The following EPHB1 variants were observed in gnomAD, a reference collection of about 807,000 sequenced individuals.
EPHB1 encodes the protein ephrin type-B receptor 1.
Under a neutral mutation model 94.4 loss-of-function variants are expected in EPHB1, and 30 were observed. The observed-to-expected ratio is 0.32, with a 90% CI of 0.24 to 0.43. The LOEUF is 0.43. Among genes scored for constraint, EPHB1 ranks in the 20% least tolerant of loss-of-function variants. The probability of loss-of-function intolerance (pLI) is 1.00; values close to 1 mark genes in which losing one functional copy is unlikely to be tolerated. For synonymous variants in EPHB1, 522 were observed against 489.1 expected, an observed-to-expected ratio of 1.07 and a Z score of -0.89; for missense variants, 1,055 against 1,308.3, an observed-to-expected ratio of 0.81 and a Z score of 2.99.
Position 135,133,046 on chromosome 3 carries a change from G to A in EPHB1, c.1294G>A (p.Ala432Thr). 1.3e-6 allele frequency: 2 copies of A among 1,583,604 alleles called. No homozygotes were observed. The highest frequency in any genetic ancestry group is 1.7e-6 in the Non-Finnish European group (2 of 1,159,076). The change falls in exon 5 of 16, where the codon GCC becomes ACC. Residue 432 changes from alanine to threonine, a missense_variant. Coordinates refer to ENST00000398015, the MANE Select transcript of EPHB1 (RefSeq NM_004441.5). ...HVSVNITTNQ[A>T]APSTVPIMHQ... The stretch of plus-strand genomic sequence containing the variant: ...CTCTGTCAACATCACCACAAACCAA[G>A]CCGGTAAGTCTGGAGGCTTCTGTGC...
chr3:135,011,055 C>T (rs1386019592), intron 3 of EPHB1, among the ~76,000 whole-genome samples: 1 of 152,166 alleles, frequency 6.6e-6, no homozygotes, highest in Non-Finnish European at 1.5e-5. Flanking sequence ...TGCTCTGTTC[C>T]CTGAAGTTTT....
intron 12 of EPHB1, among the ~76,000 whole-genome samples, chr3:135,217,614 A>G (rs1010639501): frequency 6.6e-6 from 1 of 152,204 alleles, no homozygotes. Flanking sequence ...CCAGAAACAT[A>G]CAAGTACAGG....
chr3:134,911,068 G>C (rs574258503), intron 1 of EPHB1, among the ~76,000 whole-genome samples: 1 of 152,328 alleles, frequency 6.6e-6, no homozygotes, highest in Non-Finnish European at 1.5e-5. Context: ...TAAGTTATCG[G>C]GGAGGCCACC....
At chr3:134,854,023 C>A (rs1381232368) in intron 1 of EPHB1, among the ~76,000 whole-genome samples, 3 of 152,162 alleles carry the variant, frequency 2.0e-5, no homozygotes, top group Non-Finnish European at 2.9e-5. Flanking sequence ...CACACATGTT[C>A]TTCTCCTGCC....
intron 3 of EPHB1, among the ~76,000 whole-genome samples, chr3:135,085,993 A>C (rs1938347207): frequency 1.3e-5 from 2 of 152,178 alleles, no homozygotes; most frequent in South Asian, 4.1e-4. Flanking sequence ...CCTCCCCAGG[A>C]GAAAGGCGTC....
chr3:134,983,191 CCTT>C (rs1934472804), intron 3 of EPHB1, among the ~76,000 whole-genome samples: 1 of 152,212 alleles, frequency 6.6e-6, no homozygotes, highest in Non-Finnish European at 1.5e-5. Flanking sequence ...TGTGTTCACT[CCTT>C]CATTGGCGAG....
chr3:135,008,823 G>C (rs1481156231), intron 3 of EPHB1, among the ~76,000 whole-genome samples: 1 of 152,156 alleles, frequency 6.6e-6, no homozygotes, highest in Non-Finnish European at 1.5e-5. Context: ...CTCCATCTTT[G>C]GAAAGATGAG....
intron 1 of EPHB1, among the ~76,000 whole-genome samples, chr3:134,834,849 A>C (rs1053010365): frequency 2.0e-5 from 3 of 152,186 alleles, no homozygotes; most frequent in African/African-American, 7.2e-5. Context: ...AAGCCTGCTG[A>C]ATTATTTCAG....
chr3:134,804,069 C>CTTTTTT (rs1560240142), intron 1 of EPHB1, among the ~76,000 whole-genome samples: 1 of 51,810 alleles, frequency 1.9e-5, no homozygotes. Context: ...TCATTATTGG[C>CTTTTTT]TATTTTTTTT....
chr3:135,117,309 CTG>C (rs1939758215), intron 4 of EPHB1, among the ~76,000 whole-genome samples: 1 of 152,206 alleles, frequency 6.6e-6, no homozygotes, highest in Non-Finnish European at 1.5e-5. Context: ...TATTTTGAAA[CTG>C]TGTGTTTGCT....
chr3:134,822,431 C>G (rs556017067), intron 1 of EPHB1, among the ~76,000 whole-genome samples: 1 of 152,042 alleles, frequency 6.6e-6, no homozygotes, highest in Admixed American at 6.5e-5. Flanking sequence ...TGTGGTATGC[C>G]GGGTGATGGG....
At chr3:135,078,400 C>A (rs1045991453) in intron 3 of EPHB1, among the ~76,000 whole-genome samples, 5 of 152,172 alleles carry the variant, frequency 3.3e-5, no homozygotes, top group Admixed American at 3.3e-4. Context: ...CAAACCCCAG[C>A]CCCAGATGCC....
rs1343763078 is a variant in EPHB1, at chr3:134,952,043, G to A, written c.796G>A (p.Ala266Thr). The A allele has an allele frequency of 1.9e-6, 3 of 1,602,348 alleles. No homozygotes were observed. In the South Asian group the frequency reaches 3.3e-5, roughly 18 times the overall value. Residue 266 changes from alanine to threonine, a missense_variant, in exon 3 of 16, where the codon GCA becomes ACA. Transcript: ENST00000398015. ...TGGCTATGAGCCTGAGAACAGCGTG[G>A]CATGCAAGGGTAAGCTTTGGAGCCT... ...KPGYEPENSV[A>T]CKACPAGTFK...
At position 134,892,495 on chromosome 3, in the gene EPHB1, G is replaced by T. The variant is rs114043453; in HGVS notation, c.59-33321G>T. Among the ~76,000 whole-genome samples, 890 of 152,328 alleles carry T rather than the reference G, an allele frequency of 5.8e-3. 7 individuals carry two copies. The highest frequency in any genetic ancestry group is 0.02 in the African/African-American group (838 of 41,574). ...TCCCAACTCTATTTGCGTGAGAAAA[G>T]AGAACTATGAACATTTGCACAGGAG... is the stretch of plus-strand genomic sequence containing the variant. On this transcript the variant is annotated intron_variant, in intron 1 of 15. Transcript: ENST00000398015.
chr3:135,127,424 ACCACTGTGGTTG>A lies in EPHB1; in HGVS notation c.962-5285_962-5274del, dbSNP rs1576410343. On this transcript the variant is annotated intron_variant, in intron 4 of 15. Transcript: ENST00000398015. ...AGTTATAGCTCCAACCTTGTGGACAACCACTGTGGTTGCCACCTTCACCATCACCCAATGGGG... is the reference window on the plus strand; with the variant it reads ...AGTTATAGCTCCAACCTTGTGGACAACCACCTTCACCATCACCCAATGGGG... Among the ~76,000 whole-genome samples, 3 of 152,274 alleles carry A rather than the reference ACCACTGTGGTTG, an allele frequency of 2.0e-5. No homozygotes were observed. In the South Asian group the frequency reaches 6.2e-4, roughly 32 times the overall value.
chr3:135,205,556 T>G (rs1046927077), intron 12 of EPHB1, among the ~76,000 whole-genome samples: 119 of 152,188 alleles, frequency 7.8e-4, no homozygotes, highest in East Asian at 7.7e-4. Context: ...GGGAAGGGGG[T>G]TTGTTTTATA....
intron 1 of EPHB1, among the ~76,000 whole-genome samples, chr3:134,865,801 C>G (rs2037364248): frequency 6.6e-6 from 1 of 152,082 alleles, no homozygotes; most frequent in Admixed American, 6.6e-5. Context: ...AATTAAGACT[C>G]TTTATTCATA....
intron 2 of EPHB1, among the ~76,000 whole-genome samples, chr3:134,946,291 C>T (rs549079553): frequency 2.6e-5 from 4 of 152,278 alleles, no homozygotes; most frequent in South Asian, 2.1e-4. Context: ...AACTCATCAG[C>T]GACTTCTAGT....
intron 1 of EPHB1, among the ~76,000 whole-genome samples, chr3:134,919,031 G>A (rs1161877979): frequency 2.2e-4 from 33 of 152,324 alleles, no homozygotes; most frequent in Non-Finnish European, 3.8e-4. Context: ...CAGTTACGAG[G>A]TGGTTGCTGT....
Sources: gnomAD v4.1 joint callset for allele counts (sites outside exome capture counted in the v4.1 genomes callset) on GRCh38, gnomAD v4.1.1 for gene constraint, MANE v1.5 for transcripts, NCBI Gene and HGNC (gene_info 2026-07-23, HGNC 2026-07-21) for gene names.